Variants in GLG1 observed in about 807,000 individuals in gnomAD.
GLG1 encodes Golgi apparatus protein 1.
In GLG1, 38 loss-of-function variants were observed where a neutral mutation model predicts 160.5. The observed-to-expected ratio is 0.24, with a 90% CI of 0.18 to 0.31. The LOEUF (loss-of-function observed/expected upper bound fraction) is 0.31, where lower values mean the gene tolerates loss of function less well. GLG1 is among the 10% of genes least tolerant of loss of function. The pLI, the probability that GLG1 is intolerant of heterozygous loss-of-function variation, is 1.00. For synonymous variants in GLG1, 644 were observed against 543.4 expected, an observed-to-expected ratio of 1.19 and a Z score of -2.57; for missense variants, 1,373 against 1,505.2, an observed-to-expected ratio of 0.91 and a Z score of 1.45.
At chr16:74,595,532 G>A (rs529050345) in intron 1 of GLG1, among the ~76,000 whole-genome samples, 16 of 152,172 alleles carry the variant, frequency 1.1e-4, no homozygotes, top group East Asian at 7.7e-4. Flanking sequence ...GCAAGACTCC[G>A]TCTCAAAAAA....
intron 19 of GLG1, among the ~76,000 whole-genome samples, chr16:74,465,173 G>A (rs1047552636): frequency 6.6e-6 from 1 of 152,206 alleles, no homozygotes; most frequent in African/African-American, 2.4e-5. Context: ...GGCGAGATCA[G>A]GGAACTGACA....
chr16:74,585,709 C>CAA (rs556357835), intron 1 of GLG1, among the ~76,000 whole-genome samples: 67 of 100,074 alleles, frequency 6.7e-4, no homozygotes, highest in Non-Finnish European at 1.0e-3. Flanking sequence ...GACTCCGTCT[C>CAA]AAAAAAAAAA....
At chr16:74,491,800 G>A (rs1035253167) in intron 7 of GLG1, among the ~76,000 whole-genome samples, 6 of 151,548 alleles carry the variant, frequency 4.0e-5, no homozygotes, top group East Asian at 2.0e-4. Context: ...CACCACGCCC[G>A]GCTAATTTTT....
At chr16:74,567,122 G>C (rs1347927342) in intron 1 of GLG1, among the ~76,000 whole-genome samples, 1 of 151,696 alleles carries the variant, frequency 6.6e-6, no homozygotes, top group Non-Finnish European at 1.5e-5. Context: ...TTTTCTATAG[G>C]AGAAAATCTT....
intron 2 of GLG1, among the ~76,000 whole-genome samples, chr16:74,517,451 CAT>C (rs1262086151): frequency 3.9e-5 from 6 of 152,194 alleles, no homozygotes; most frequent in African/African-American, 9.6e-5. Context: ...ATAAAAACCA[CAT>C]GATTATCACA....
At chr16:74,568,263 G>A (rs1330319124) in intron 1 of GLG1, among the ~76,000 whole-genome samples, 1 of 152,164 alleles carries the variant, frequency 6.6e-6, no homozygotes. Context: ...ACAGTTATAT[G>A]AGGCAAATTC....
At chr16:74,505,670 C>A (rs1400251980) in intron 3 of GLG1, among the ~76,000 whole-genome samples, 3 of 152,158 alleles carry the variant, frequency 2.0e-5, no homozygotes, top group African/African-American at 7.2e-5. Context: ...GCCTGGGCAA[C>A]ACGGTGAAAG....
At chr16:74,599,586 C>T (rs977941233) in intron 1 of GLG1, among the ~76,000 whole-genome samples, 3 of 151,982 alleles carry the variant, frequency 2.0e-5, no homozygotes, top group South Asian at 2.1e-4. Context: ...AAGCCTCGGC[C>T]GGACACAGTG....
chr16:74,494,101 G>A (rs2016097531), intron 6 of GLG1, among the ~76,000 whole-genome samples: 1 of 151,558 alleles, frequency 6.6e-6, no homozygotes, highest in African/African-American at 2.4e-5. Context: ...CTTGAACCCG[G>A]CAGGCAGAGG....
At chr16:74,459,008 A>G (rs971455294) in intron 23 of GLG1, among the ~76,000 whole-genome samples, 1 of 152,184 alleles carries the variant, frequency 6.6e-6, no homozygotes, top group Non-Finnish European at 1.5e-5. Context: ...TAAAAACCAA[A>G]AACCAAAGGC....
intron 1 of GLG1, among the ~76,000 whole-genome samples, chr16:74,585,994 C>T (rs112032699): frequency 0.13 from 18,463 of 140,462 alleles, 1,573 homozygotes; most frequent in Admixed American, 0.25. Context: ...ACTCGGGAGG[C>T]AAAGGCTGTA....
chr16:74,465,373 T>C (rs1370029923), intron 19 of GLG1, among the ~76,000 whole-genome samples: 1 of 152,222 alleles, frequency 6.6e-6, no homozygotes, highest in Admixed American at 6.5e-5. Flanking sequence ...GCACATCCAT[T>C]TACTTGTGCC....
rs956314746 is a variant in GLG1 at position 74,452,912 on chromosome 16, C to T, written c.*255G>A. On this transcript the variant is annotated 3_prime_UTR_variant, in exon 26 of 26. Coordinates refer to ENST00000422840, the MANE Select transcript of GLG1 (RefSeq NM_001145667.2). ...TGTTGGTATGAGAGAGACTTGTCTA[C>T]AGGCAGGTAAACCCAAGTTTGCCAA... 5 of 1,179,884 alleles carry T rather than the reference C, an allele frequency of 4.2e-6. No individual in the cohort carries two copies. In the African/African-American group the frequency reaches 6.3e-5, roughly 15 times the overall value. The allele number at this position is 1,179,884 out of a possible 1,614,324, so 73.1% of individuals were successfully genotyped here.
chr16:74,460,090 C>T (rs1412606359), intron 22 of GLG1, among the ~76,000 whole-genome samples: 1 of 151,466 alleles, frequency 6.6e-6, no homozygotes, highest in Non-Finnish European at 1.5e-5. Flanking sequence ...GGCACGATCT[C>T]GGCTCACCGC....
At chr16:74,553,512 G>A (rs1207207533) in intron 1 of GLG1, among the ~76,000 whole-genome samples, 14 of 123,538 alleles carry the variant, frequency 1.1e-4, no homozygotes, top group Non-Finnish European at 2.2e-4. Context: ...TCGCTCTGTC[G>A]CCCAGGCTGG....
At chr16:74,560,806 A>C (rs2018490415) in intron 1 of GLG1, among the ~76,000 whole-genome samples, 1 of 152,096 alleles carries the variant, frequency 6.6e-6, no homozygotes, top group African/African-American at 2.4e-5. Context: ...GCAACACAGC[A>C]ATCCCATCTC....
Position 74,468,226 on chromosome 16 carries a change from C to CTTTTTTTTTTT in GLG1, c.2437-389_2437-379dup, listed in dbSNP as rs201829157. 4.4e-4 allele frequency: 37 copies of CTTTTTTTTTTT among 83,318 alleles called. 7 individuals are homozygous for CTTTTTTTTTTT. Among genetic ancestry groups the CTTTTTTTTTTT allele is most frequent in the African/African-American group, 1.9e-3 (37 of 19,202 alleles). The allele number at this position is 83,318 out of a possible 1,614,324, so 5.2% of individuals were successfully genotyped here. On this transcript the variant is annotated intron_variant, in intron 17 of 25. Transcript: ENST00000422840. ...AACCAAATCTTCCAGCTTGAAATGT[C>CTTTTTTTTTTT]TTTTTTTTTTTTTTTTTTTTTTTTT...
intron 8 of GLG1, among the ~76,000 whole-genome samples, chr16:74,487,281 A>G (rs2015827003): frequency 6.6e-6 from 1 of 152,084 alleles, no homozygotes; most frequent in Non-Finnish European, 1.5e-5. Context: ...CCCTTTTGCC[A>G]AGTTAAAAAA....
chr16:74,475,758 GT>G (rs1027931616), intron 12 of GLG1, among the ~76,000 whole-genome samples: 1 of 152,200 alleles, frequency 6.6e-6, no homozygotes, highest in Admixed American at 6.5e-5. Context: ...GAATTAGAAT[GT>G]GAGGGGAAGA....
Sources: gnomAD v4.1 joint callset for allele counts (sites outside exome capture counted in the v4.1 genomes callset) on GRCh38, gnomAD v4.1.1 for gene constraint, MANE v1.5 for transcripts, NCBI Gene and HGNC (gene_info 2026-07-23, HGNC 2026-07-21) for gene names.